The following ROBO2 variants were observed in gnomAD, a reference collection of about 807,000 sequenced individuals.
ROBO2 encodes roundabout homolog 2.
ROBO2 carries 53 observed loss-of-function variants against 160.8 expected under a neutral mutation model. The observed-to-expected ratio is 0.33, with a 90% CI of 0.26 to 0.41. The LOEUF (loss-of-function observed/expected upper bound fraction) is 0.41, where lower values mean the gene tolerates loss of function less well. ROBO2 is among the 10% of genes least tolerant of loss of function. ROBO2 has a pLI of 1.00. For synonymous variants in ROBO2, 664 were observed against 611.7 expected, an observed-to-expected ratio of 1.09 and a Z score of -1.26; for missense variants, 1,577 against 1,722.4, an observed-to-expected ratio of 0.92 and a Z score of 1.49.
chr3:76,369,175 G>A (rs1413335813), intron 2 of ROBO2, among the ~76,000 whole-genome samples: 1 of 151,842 alleles, frequency 6.6e-6, no homozygotes, highest in Non-Finnish European at 1.5e-5. Flanking sequence ...TTCAGCAACG[G>A]CTTTGTAATT....
chr3:76,489,451 C>G (rs1157760932), intron 2 of ROBO2, among the ~76,000 whole-genome samples: 3 of 152,078 alleles, frequency 2.0e-5, no homozygotes, highest in Admixed American at 6.6e-5. Context: ...TTTCAGTTTT[C>G]TCATGTACAA....
chr3:75,953,506 T>C (rs1948622349), intron 2 of ROBO2, among the ~76,000 whole-genome samples: 1 of 151,966 alleles, frequency 6.6e-6, no homozygotes, highest in Admixed American at 6.6e-5. Flanking sequence ...AAAGATTTTC[T>C]CCCAACCTGT....
chr3:76,266,555 A>G (rs2107612209), intron 2 of ROBO2, among the ~76,000 whole-genome samples: 1 of 152,278 alleles, frequency 6.6e-6, no homozygotes, highest in Non-Finnish European at 1.5e-5. Context: ...AAAAATATGT[A>G]AGTAAATGTT....
intron 13 of ROBO2, among the ~76,000 whole-genome samples, chr3:77,573,080 A>G (rs2093677778): frequency 6.6e-6 from 1 of 151,816 alleles, no homozygotes; most frequent in Non-Finnish European, 1.5e-5. Flanking sequence ...TAATCTTTAC[A>G]CTTTATTTGA....
At chr3:76,130,532 A>G (rs1476175296) in intron 2 of ROBO2, among the ~76,000 whole-genome samples, 2 of 152,108 alleles carry the variant, frequency 1.3e-5, no homozygotes, top group Non-Finnish European at 2.9e-5. Flanking sequence ...TCACACACAT[A>G]TCACTGATGC....
chr3:76,651,298 CACTGGT>C (rs2091247032), intron 2 of ROBO2, among the ~76,000 whole-genome samples: 1 of 152,010 alleles, frequency 6.6e-6, no homozygotes, highest in Non-Finnish European at 1.5e-5. Context: ...GGTGGTGATC[CACTGGT>C]GGATCACCCA....
chr3:76,411,144 C>T (rs2075465483), intron 2 of ROBO2, among the ~76,000 whole-genome samples: 1 of 151,650 alleles, frequency 6.6e-6, no homozygotes, highest in Admixed American at 6.6e-5. Context: ...GAGTTGAAAC[C>T]CAAGAAGAGC....
At chr3:76,029,690 A>G (rs561082709) in intron 2 of ROBO2, among the ~76,000 whole-genome samples, 4 of 152,282 alleles carry the variant, frequency 2.6e-5, no homozygotes, top group South Asian at 2.1e-4. Context: ...TACAAAGGAC[A>G]TGAACTAATC....
chr3:76,181,472 T>C (rs1448194982), intron 2 of ROBO2, among the ~76,000 whole-genome samples: 2 of 152,158 alleles, frequency 1.3e-5, no homozygotes, highest in Non-Finnish European at 2.9e-5. Flanking sequence ...TAGAACTCTC[T>C]AACTCCCTAC....
rs1947837312 is a variant in ROBO2 at position 75,937,475 on chromosome 3, A to G, written c.-13-6A>G. ...TACTTTCACATCCACCCCACTCAAT[A>G]TGCAGAGTTTAAGATGCAATGGCCA... On this transcript the variant is annotated splice_polypyrimidine_tract_variant and splice_region_variant and intron_variant, in intron 1 of 26. Transcript: ENST00000487694. The G allele has an allele frequency of 4.0e-6, 6 of 1,497,030 alleles. 1 individual carries two copies. In the South Asian group the frequency reaches 7.6e-5, roughly 19 times the overall value. 92.7% of individuals were successfully genotyped at this position (1,497,030 alleles called of 1,614,324 possible).
At chr3:76,179,805 A>G (rs1701416465) in intron 2 of ROBO2, among the ~76,000 whole-genome samples, 1 of 152,090 alleles carries the variant, frequency 6.6e-6, no homozygotes, top group South Asian at 2.1e-4. Context: ...TTATACTTAC[A>G]CACTGCCTTG....
chr3:77,340,467 C>A (rs1181408544), intron 2 of ROBO2, among the ~76,000 whole-genome samples: 1 of 151,978 alleles, frequency 6.6e-6, no homozygotes, highest in African/African-American at 2.4e-5. Flanking sequence ...TCTTAGGAGT[C>A]CGTGGTTGTA....
intron 2 of ROBO2, among the ~76,000 whole-genome samples, chr3:76,130,753 G>T (rs548553325): frequency 2.0e-5 from 3 of 152,088 alleles, no homozygotes; most frequent in Admixed American, 6.5e-5. Context: ...AACAATTCAT[G>T]TTCTAAAAAA....
intron 2 of ROBO2, among the ~76,000 whole-genome samples, chr3:76,984,088 A>C (rs894102270): frequency 1.3e-5 from 2 of 152,108 alleles, no homozygotes; most frequent in Non-Finnish European, 2.9e-5. Flanking sequence ...TCACCATCAC[A>C]AGAACAGCAT....
intron 2 of ROBO2, among the ~76,000 whole-genome samples, chr3:77,284,648 G>T (rs2060462736): frequency 6.6e-6 from 1 of 152,036 alleles, no homozygotes; most frequent in South Asian, 2.1e-4. Context: ...ATTTGAAGGT[G>T]GAAGCCCTGG....
chr3:77,140,212 C>A (rs758535189), intron 2 of ROBO2, among the ~76,000 whole-genome samples: 8 of 152,010 alleles, frequency 5.3e-5, no homozygotes, highest in African/African-American at 1.9e-4. Context: ...TTTATTGTGG[C>A]GATTGTTCTT....
At chr3:77,226,993 T>C (rs2086580914) in intron 2 of ROBO2, among the ~76,000 whole-genome samples, 1 of 152,190 alleles carries the variant, frequency 6.6e-6, no homozygotes, top group Admixed American at 6.6e-5. Context: ...TCAATTGTGA[T>C]GTCAAAGTAA....
chr3:77,146,235 G>A (rs986647273), intron 2 of ROBO2, among the ~76,000 whole-genome samples: 5 of 152,130 alleles, frequency 3.3e-5, no homozygotes, highest in African/African-American at 1.2e-4. Context: ...GCACCTGTTT[G>A]CTTATACATG....
At chr3:76,148,513 A>G (rs571532238) in intron 2 of ROBO2, among the ~76,000 whole-genome samples, 4 of 152,080 alleles carry the variant, frequency 2.6e-5, no homozygotes, top group East Asian at 1.9e-4. Flanking sequence ...GCTCCCTTTT[A>G]TAGCAAAATT....
Sources: gnomAD v4.1 joint callset for allele counts (sites outside exome capture counted in the v4.1 genomes callset) on GRCh38, gnomAD v4.1.1 for gene constraint, MANE v1.5 for transcripts, NCBI Gene and HGNC (gene_info 2026-07-23, HGNC 2026-07-21) for gene names.